The following HABP2 variants were observed in gnomAD, a reference collection of about 807,000 sequenced individuals.
The protein encoded by HABP2 is factor VII-activating protease.
In HABP2, 65 loss-of-function variants were observed where a neutral mutation model predicts 66.5. The ratio of observed to expected loss-of-function variants is 0.98; its 90% CI spans 0.80 to 1.20. HABP2 has a LOEUF of 1.20. HABP2 is among the 50% of genes most tolerant of loss of function. HABP2 has a pLI of 0.00. For missense variants in HABP2, 786 were observed against 691.0 expected (o/e 1.14, Z -1.54); for synonymous variants, 263 against 253.9 (o/e 1.04, Z -0.34).
Position 113,586,477 on chromosome 10 carries a change from G to C in HABP2, c.1518+539G>C, listed in dbSNP as rs4918855. 3.8e-5 allele frequency among the ~76,000 whole-genome samples: 3 copies of C among 78,756 alleles called. 1 individual carries two copies. The highest frequency in any genetic ancestry group is 6.1e-5 in the Non-Finnish European group (2 of 32,682). The allele number at this position is 78,756 out of a possible 152,430, so 51.7% of individuals were successfully genotyped here. A position where few individuals can be genotyped will look rare whatever the true frequency, so the allele number is the denominator to read the frequency against. ...TCATGTGTGCGTGTGTGTGTGTGTGGGGGGGGGGGGGGTGTTTTAGCCCTA... is the reference window on the plus strand; with the variant it reads ...TCATGTGTGCGTGTGTGTGTGTGTGCGGGGGGGGGGGGTGTTTTAGCCCTA... On this transcript the variant is annotated intron_variant, in intron 12 of 12. Transcript: ENST00000351270.
At chr10:113,586,068 G>C in intron 12 of HABP2, 130 bp downstream of exon 12, 2 of 775,506 alleles carry the variant, frequency 2.6e-6, no homozygotes, top group Non-Finnish European at 4.3e-6. Context: ...AGACACAGGT[G>C]AGCTGTGTCT....
chr10:113,553,802 G>A (rs867848337), intron 1 of HABP2, among the ~76,000 whole-genome samples: 21 of 152,332 alleles, frequency 1.4e-4, no homozygotes, highest in African/African-American at 3.1e-4. Flanking sequence ...GCAGGGAAGG[G>A]AAGTCCCATC....
Position 113,577,248 on chromosome 10 carries a change from G to C in HABP2, c.430G>C (p.Gly144Arg), listed in dbSNP as rs1160437288. 1.9e-6 allele frequency: 3 copies of C among 1,595,352 alleles called. No homozygotes were observed. Among genetic ancestry groups the C allele is most frequent in the Non-Finnish European group, 2.6e-6 (3 of 1,162,942 alleles). Residue 144 changes from glycine to arginine, a missense_variant, in exon 5 of 13, where the codon GGT becomes CGT. Physicochemically the swap from Gly to Arg is moderately radical, Grantham distance 125. Transcript: ENST00000351270. The part of the protein sequence containing the change: ...YRCVCKHPYT[G>R]PSCSQVVPVC... ...CTGTGTCTGTAAACACCCTTACACA[G>C]GTCCCAGCTGCTCCCAAGGTAAGTG...
Position 113,588,524 on chromosome 10 carries a change from TC to T in HABP2, c.*158del. 1.7e-6 allele frequency: 1 copy of T among 578,568 alleles called. No individual in the cohort carries two copies. The highest frequency in any genetic ancestry group is 3.0e-6 in the Non-Finnish European group (1 of 333,328). 35.8% of individuals were successfully genotyped at this position (578,568 alleles called of 1,614,324 possible). ...GACAACTGCCACCCAGCCTGGGCCT[TC>T]CCAGACCAGCATTTGCACAATATCA... is the stretch of plus-strand genomic sequence containing the variant. On this transcript the variant is annotated 3_prime_UTR_variant, in exon 13 of 13. Coordinates refer to ENST00000351270, the MANE Select transcript of HABP2 (RefSeq NM_004132.5).
chr10:113,566,535 G>A (rs1462476901), intron 1 of HABP2, among the ~76,000 whole-genome samples: 4 of 152,228 alleles, frequency 2.6e-5, no homozygotes, highest in African/African-American at 9.6e-5. Context: ...GCTAGGTATT[G>A]GGTAATACAT....
chr10:113,558,324 C>G (rs1260223815), intron 1 of HABP2, among the ~76,000 whole-genome samples: 3 of 152,240 alleles, frequency 2.0e-5, no homozygotes, highest in Non-Finnish European at 4.4e-5. Context: ...AAAGACTCAC[C>G]TTTTCTCTAC....
upstream of HABP2, among the ~76,000 whole-genome samples, chr10:113,552,511 C>T (rs11575694): frequency 2.7e-3 from 418 of 152,262 alleles, 2 homozygotes; most frequent in African/African-American, 9.6e-3. Context: ...AAGTAAAAGT[C>T]TTACCTAATG....
At chr10:113,575,860 T>G (rs772373894) in intron 3 of HABP2, 37 bp from the exon 4 acceptor site, 2 of 1,252,990 alleles carry the variant, frequency 1.6e-6, no homozygotes, top group Non-Finnish European at 1.2e-6. Flanking sequence ...TCACCTGCCT[T>G]TCCTTACCAA....
intron 2 of HABP2, among the ~76,000 whole-genome samples, chr10:113,571,806 G>A (rs568145329): frequency 6.6e-6 from 1 of 152,188 alleles, no homozygotes; most frequent in African/African-American, 2.4e-5. Flanking sequence ...TGAGGACAAG[G>A]CCACATCCTA....
chr10:113,577,008 C>A, intron 4 of HABP2, 142 bp from the exon 5 acceptor site: 2 of 638,002 alleles, frequency 3.1e-6, no homozygotes, highest in Middle Eastern at 2.6e-4. Context: ...GAAGCCTTGT[C>A]CTGGCATAGC....
chr10:113,575,753 A>G (rs899137827), intron 3 of HABP2, 144 bp from the exon 4 acceptor site: 3 of 655,470 alleles, frequency 4.6e-6, no homozygotes, highest in African/African-American at 3.6e-5. Context: ...GGGACAACAT[A>G]TGTTTTCCTC....
At chr10:113,587,973 C>T (rs543766388) in intron 12 of HABP2, among the ~76,000 whole-genome samples, 1 of 152,128 alleles carries the variant, frequency 6.6e-6, no homozygotes. Flanking sequence ...TGTGCGGCTC[C>T]TCTGTTAAGC....
intron 2 of HABP2, among the ~76,000 whole-genome samples, chr10:113,572,337 A>G (rs972907747): frequency 6.6e-6 from 1 of 152,234 alleles, no homozygotes; most frequent in African/African-American, 2.4e-5. Flanking sequence ...CATACCATCT[A>G]CATCAGAATC....
intron 2 of HABP2, among the ~76,000 whole-genome samples, chr10:113,567,980 A>T (rs1845231630): frequency 6.6e-6 from 1 of 152,192 alleles, no homozygotes; most frequent in African/African-American, 2.4e-5. Flanking sequence ...CCCTCACACC[A>T]GCACCTCTGC....
At position 113,578,698 on chromosome 10, in the gene HABP2, G is replaced by A. The variant is rs1260211225; in HGVS notation, c.640G>A (p.Ala214Thr). 5.6e-6 allele frequency: 9 copies of A among 1,606,404 alleles called. No individual in the cohort carries two copies. The highest frequency in any genetic ancestry group is 6.8e-6 in the Non-Finnish European group (8 of 1,173,152). Residue 214 changes from alanine to threonine, a missense_variant, in exon 7 of 13, where the codon GCG becomes ACG. Ala to Thr is a moderately conservative substitution (Grantham distance 58). Coordinates refer to ENST00000351270, the MANE Select transcript of HABP2 (RefSeq NM_004132.5). ...AATGAATAGGACAGTCAACCAGCATGCGTGCCTTTACTGGAACTCCCACCT... is the reference window on the plus strand; with the variant it reads ...AATGAATAGGACAGTCAACCAGCATACGTGCCTTTACTGGAACTCCCACCT... ...GKMNRTVNQH[A>T]CLYWNSHLLL... is the part of the protein sequence containing the mutation.
rs11575707 is a variant in HABP2 at position 113,561,915 on chromosome 10, A to G, written c.70-5574A>G. ...CCCACCCACAAGGAGATTACACTGT[A>G]AATCAGTAAGACTCAGAGACTCGGG... On this transcript the variant is annotated intron_variant, in intron 1 of 12. Coordinates refer to ENST00000351270, the MANE Select transcript of HABP2 (RefSeq NM_004132.5). 4.7e-3 allele frequency among the ~76,000 whole-genome samples: 721 copies of G among 152,324 alleles called. 3 individuals carry two copies. The highest frequency in any genetic ancestry group is 6.7e-3 in the Non-Finnish European group (456 of 68,026).
At chr10:113,586,684 A>G (rs1319368220) in intron 12 of HABP2, among the ~76,000 whole-genome samples, 2 of 152,080 alleles carry the variant, frequency 1.3e-5, no homozygotes, top group African/African-American at 4.8e-5. Flanking sequence ...TAGGGATCAC[A>G]TCACACAGGG....
chr10:113,576,545 C>T (rs1411509784), intron 4 of HABP2, among the ~76,000 whole-genome samples: 1 of 152,094 alleles, frequency 6.6e-6, no homozygotes, highest in African/African-American at 2.4e-5. Context: ...TAACATGAGG[C>T]AGTGGAATAA....
rs2286744 is a variant in HABP2 at position 113,578,546 on chromosome 10, T to C, written c.569-81T>C. 0.74 allele frequency: 680,877 copies of C among 920,972 alleles called. 254,567 individuals carry two copies. Among genetic ancestry groups the C allele is most frequent in the Admixed American group, 0.78 (36,779 of 46,934 alleles). The allele number at this position is 920,972 out of a possible 1,614,324, so 57.1% of individuals were successfully genotyped here. A position where few individuals can be genotyped will look rare whatever the true frequency, so the allele number is the denominator to read the frequency against. On this transcript the variant is annotated intron_variant, in intron 6 of 12. Coordinates refer to ENST00000351270, the MANE Select transcript of HABP2 (RefSeq NM_004132.5). ...ATATGCAGGTCCAGTTCTCTCACCATGTCACATACCCACCAAGCCCTTTTT... is the reference window on the plus strand; with the variant it reads ...ATATGCAGGTCCAGTTCTCTCACCACGTCACATACCCACCAAGCCCTTTTT...
Sources: allele counts gnomAD v4.1 joint callset (sites outside exome capture counted in the v4.1 genomes callset), GRCh38; gene constraint gnomAD v4.1.1; transcripts MANE v1.5; gene names NCBI Gene and HGNC (gene_info 2026-07-23, HGNC 2026-07-21).